Variants in PLEKHG1 observed in about 807,000 individuals in gnomAD.
PLEKHG1 encodes the protein pleckstrin homology and RhoGEF domain containing G1.
Under a neutral mutation model 100.8 loss-of-function variants are expected in PLEKHG1, and 44 were observed. The observed-to-expected ratio is 0.44, with a 90% CI of 0.34 to 0.56. PLEKHG1 has a LOEUF of 0.56. Ranked by LOEUF, PLEKHG1 falls within the 20% of genes least tolerant of loss-of-function variation. The pLI, the probability that PLEKHG1 is intolerant of heterozygous loss-of-function variation, is 0.01. For synonymous variants in PLEKHG1, 640 were observed against 662.5 expected, an observed-to-expected ratio of 0.97 and a Z score of 0.52; for missense variants, 1,545 against 1,720.9, an observed-to-expected ratio of 0.90 and a Z score of 1.81.
intron 3 of PLEKHG1, among the ~76,000 whole-genome samples, chr6:150,687,966 A>G (rs1009660531): frequency 6.6e-6 from 1 of 152,214 alleles, no homozygotes; most frequent in African/African-American, 2.4e-5. Context: ...CAGGCTGGCT[A>G]TATTCAAGAA....
chr6:150,687,676 G>A (rs1780186086), intron 3 of PLEKHG1, among the ~76,000 whole-genome samples: 1 of 152,168 alleles, frequency 6.6e-6, no homozygotes, highest in South Asian at 2.1e-4. Context: ...TGCCAGCTGA[G>A]GAAGCAAGTC....
chr6:150,787,711 T>G (rs1785710439), intron 4 of PLEKHG1, among the ~76,000 whole-genome samples: 1 of 152,190 alleles, frequency 6.6e-6, no homozygotes, highest in African/African-American at 2.4e-5. Flanking sequence ...TCCTGATGGC[T>G]TCCAAACACA....
At chr6:150,653,495 C>CA (rs2128575691) in intron 3 of PLEKHG1, among the ~76,000 whole-genome samples, 1 of 152,246 alleles carries the variant, frequency 6.6e-6, no homozygotes, top group Non-Finnish European at 1.5e-5. Flanking sequence ...GTAATCCCAG[C>CA]ACTTTGAAAG....
chr6:150,828,794 T>C (rs1362742819), intron 14 of PLEKHG1, among the ~76,000 whole-genome samples: 1 of 152,220 alleles, frequency 6.6e-6, no homozygotes, highest in Non-Finnish European at 1.5e-5. Flanking sequence ...AATATTAACC[T>C]TGTTTTACTT....
chr6:150,629,252 C>T (rs894814680), intron 1 of PLEKHG1, among the ~76,000 whole-genome samples: 1 of 152,108 alleles, frequency 6.6e-6, no homozygotes, highest in Non-Finnish European at 1.5e-5. Context: ...ACTCATTTTT[C>T]GGATATACCC....
chr6:150,694,035 G>C (rs1375562634), intron 3 of PLEKHG1, among the ~76,000 whole-genome samples: 4 of 152,208 alleles, frequency 2.6e-5, no homozygotes, highest in African/African-American at 9.6e-5. Context: ...GTTTACATGG[G>C]AGGCTTTGAA....
chr6:150,608,862 A>G (rs1208769509), intron 1 of PLEKHG1, among the ~76,000 whole-genome samples: 1 of 152,228 alleles, frequency 6.6e-6, no homozygotes, highest in Non-Finnish European at 1.5e-5. Context: ...AATGGGGATA[A>G]GATGATACAG....
rs140163285 is a variant in PLEKHG1, at chr6:150,723,418, T to C, written c.-99+2218T>C. The stretch of plus-strand genomic sequence containing the variant: ...TAGTCCCTTTTGGCATATGGTACCA[T>C]GTGCTTTAGACAAGCAGCTTATGTT... On this transcript the variant is annotated intron_variant, in intron 1 of 15. Coordinates refer to ENST00000358517, the Ensembl canonical transcript of PLEKHG1. Among the ~76,000 whole-genome samples, 787 of 152,308 alleles carry C rather than the reference T, an allele frequency of 5.2e-3. 8 individuals are homozygous for C. The highest frequency in any genetic ancestry group is 0.018 in the African/African-American group (730 of 41,562).
rs148615816 is a variant in PLEKHG1 at position 150,628,913 on chromosome 6, G to A, written c.-203-9167G>A. Among the ~76,000 whole-genome samples, 668 of 152,292 alleles carry A rather than the reference G, an allele frequency of 4.4e-3. 7 individuals are homozygous for A. Among genetic ancestry groups the A allele is most frequent in the Middle Eastern group, 0.02 (6 of 294 alleles). On this transcript the variant is annotated intron_variant, in intron 1 of 3. Coordinates refer to the PLEKHG1 transcript ENST00000367326. ...AGAGGACTGGAATGCAATGGAAATA[G>A]AGAAGTTCATCCACGAGCAAGTGAG...
intron 3 of PLEKHG1, among the ~76,000 whole-genome samples, chr6:150,693,684 C>T (rs1272199983): frequency 1.3e-5 from 2 of 152,206 alleles, no homozygotes; most frequent in Non-Finnish European, 2.9e-5. Context: ...CCTCACCCAT[C>T]ACCTCCTTCC....
At chr6:150,826,525 G>A (rs1776620715) in intron 14 of PLEKHG1, among the ~76,000 whole-genome samples, 1 of 152,210 alleles carries the variant, frequency 6.6e-6, no homozygotes, top group Admixed American at 6.5e-5. Flanking sequence ...TGGAAGGACA[G>A]GAGAAAAGTT....
At chr6:150,783,455 T>C (rs1785440097) in intron 3 of PLEKHG1, among the ~76,000 whole-genome samples, 1 of 151,946 alleles carries the variant, frequency 6.6e-6, no homozygotes, top group African/African-American at 2.4e-5. Flanking sequence ...CTGCAATCTC[T>C]GCCTCCCAGG....
At chr6:150,653,470 C>T (rs1778833514) in intron 3 of PLEKHG1, among the ~76,000 whole-genome samples, 1 of 152,076 alleles carries the variant, frequency 6.6e-6, no homozygotes, top group Non-Finnish European at 1.5e-5. Context: ...AGGCTGGGCG[C>T]AGTGGCTCAC....
intron 2 of PLEKHG1, among the ~76,000 whole-genome samples, chr6:150,747,780 C>T (rs1783242505): frequency 6.6e-6 from 1 of 151,886 alleles, no homozygotes; most frequent in African/African-American, 2.4e-5. Context: ...TGTGTAATGC[C>T]AGCTACTCGG....
chr6:150,840,775 C>A, exon 16 of PLEKHG1: 1 of 1,614,114 alleles, frequency 6.2e-7, no homozygotes, highest in Non-Finnish European at 8.5e-7. Context: ...TATCTGACAC[C>A]ATATAATGAT....
At position 150,772,009 on chromosome 6, in the gene PLEKHG1, C is replaced by T. The variant is rs1176948225; in HGVS notation, c.512+3271C>T. ...GTTTGAAGCATAAAGATATTATAAA[C>T]AATATTGAATCCAGTTATATACCCT... On this transcript the variant is annotated intron_variant, in intron 3 of 15. Transcript: ENST00000358517. Among the ~76,000 whole-genome samples the T allele has an allele frequency of 2.0e-5, 3 of 152,166 alleles. No homozygotes were observed. In the East Asian group the frequency reaches 5.8e-4, roughly 29 times the overall value.
intron 3 of PLEKHG1, among the ~76,000 whole-genome samples, chr6:150,685,183 A>G (rs1172962334): frequency 6.6e-6 from 1 of 151,788 alleles, no homozygotes; most frequent in East Asian, 1.9e-4. Context: ...CAAACCCCAC[A>G]CTTGAGCACT....
In PLEKHG1 at chr6:150,840,831, C is replaced by T. The variant is rs912175215; in HGVS notation, c.4093C>T (p.Gln1365Ter). 8.7e-6 allele frequency: 14 copies of T among 1,614,136 alleles called. No individual in the cohort carries two copies. Among genetic ancestry groups the T allele is most frequent in the Non-Finnish European group, 1.2e-5 (14 of 1,179,998 alleles). Residue 1365 changes from glutamine to a stop codon, truncating the protein, a stop_gained, in exon 16 of 16, where the codon CAA becomes TAA. Coordinates refer to ENST00000358517, the Ensembl canonical transcript of PLEKHG1. LOFTEE classifies it high-confidence loss of function. ...TCTTTGGAGGGGGCCATCTCCCAATCAACAAAATATTGTCCAGTCTCTAAG... is the reference window on the plus strand; with the variant it reads ...TCTTTGGAGGGGGCCATCTCCCAATTAACAAAATATTGTCCAGTCTCTAAG...
At chr6:150,712,509 T>TC (rs1204467802) in intron 3 of PLEKHG1, among the ~76,000 whole-genome samples, 2 of 152,264 alleles carry the variant, frequency 1.3e-5, no homozygotes, top group Admixed American at 6.5e-5. Context: ...TCTTCCTTTT[T>TC]CTCTTCTTTC....
Sources: gnomAD v4.1 joint callset for allele counts (sites outside exome capture counted in the v4.1 genomes callset) on GRCh38, gnomAD v4.1.1 for gene constraint, MANE v1.5 for transcripts, NCBI Gene and HGNC (gene_info 2026-07-23, HGNC 2026-07-21) for gene names.